The following RARB variants were observed in gnomAD, a reference collection of about 807,000 sequenced individuals.
RARB encodes HBV-activated protein.
In RARB, 17 loss-of-function variants were observed where a neutral mutation model predicts 51.9. The observed-to-expected ratio is 0.33, with a 90% CI of 0.22 to 0.49. The LOEUF (loss-of-function observed/expected upper bound fraction) is 0.49. Ranked by LOEUF, RARB falls within the 20% of genes least tolerant of loss-of-function variation. The probability of loss-of-function intolerance (pLI) is 0.99; values close to 1 mark genes in which losing one functional copy is unlikely to be tolerated. For missense variants in RARB, 369 were observed against 550.8 expected, an observed-to-expected ratio of 0.67 and a Z score of 3.30; for synonymous variants, 215 against 195.4, an observed-to-expected ratio of 1.10 and a Z score of -0.84.
chr3:24,875,055 T>C (rs1253709495), intron 2 of RARB, among the ~76,000 whole-genome samples: 1 of 152,124 alleles, frequency 6.6e-6, no homozygotes, highest in Non-Finnish European at 1.5e-5. Flanking sequence ...CTCTTGCAAA[T>C]TTATATGCTT....
chr3:25,175,635 G>A (rs1293422202), intron 5 of RARB, among the ~76,000 whole-genome samples: 2 of 152,188 alleles, frequency 1.3e-5, no homozygotes, highest in African/African-American at 4.8e-5. Context: ...ATGGGTGTTT[G>A]GATGGACGAA....
At chr3:25,427,598 A>C (rs1474526865), upstream of RARB, among the ~76,000 whole-genome samples, 1 of 152,210 alleles carries the variant, frequency 6.6e-6, no homozygotes, top group Non-Finnish European at 1.5e-5. Flanking sequence ...TATGCTGCAT[A>C]GAACCTGGAG....
intron 2 of RARB, among the ~76,000 whole-genome samples, chr3:25,050,014 A>G (rs1441216080): frequency 6.6e-6 from 1 of 152,112 alleles, no homozygotes; most frequent in African/African-American, 2.4e-5. Context: ...TTGGGAGGAA[A>G]AGTTTAATAG....
chr3:25,005,992 A>G (rs543220242), intron 2 of RARB, among the ~76,000 whole-genome samples: 1 of 152,230 alleles, frequency 6.6e-6, no homozygotes, highest in South Asian at 2.1e-4. Flanking sequence ...TGTTCCTACA[A>G]GAGGCCACTG....
chr3:25,167,871 T>C (rs17517931), intron 4 of RARB, among the ~76,000 whole-genome samples: 4 of 152,246 alleles, frequency 2.6e-5, no homozygotes, highest in African/African-American at 9.6e-5. Flanking sequence ...TTTTTTTCTT[T>C]CCACCCTACC....
chr3:25,508,558 T>TG (rs1211785526), intron 3 of RARB, among the ~76,000 whole-genome samples: 11 of 152,210 alleles, frequency 7.2e-5, no homozygotes, highest in African/African-American at 2.2e-4. Context: ...ACTGTGTAGT[T>TG]GGGAAATTAC....
intron 2 of RARB, among the ~76,000 whole-genome samples, chr3:24,870,670 T>C (rs1180114137): frequency 1.3e-5 from 2 of 152,148 alleles, no homozygotes; most frequent in Non-Finnish European, 2.9e-5. Context: ...CTCACTCATT[T>C]TGCCCTGCAT....
intron 2 of RARB, among the ~76,000 whole-genome samples, chr3:25,015,533 T>A (rs1192350460): frequency 6.6e-6 from 1 of 152,194 alleles, no homozygotes; most frequent in Non-Finnish European, 1.5e-5. Context: ...AATGGGAAAC[T>A]TCTTGATAGG....
intron 2 of RARB, among the ~76,000 whole-genome samples, chr3:24,937,671 G>C (rs1249069189): frequency 6.6e-6 from 1 of 152,098 alleles, no homozygotes; most frequent in Non-Finnish European, 1.5e-5. Flanking sequence ...CAGGGAGATA[G>C]CATCAAAACA....
chr3:25,270,436 T>C (rs1009779753), intron 5 of RARB, among the ~76,000 whole-genome samples: 3 of 152,186 alleles, frequency 2.0e-5, no homozygotes, highest in Non-Finnish European at 4.4e-5. Flanking sequence ...GTCAAATTCA[T>C]AGAGATCTGT....
At chr3:25,391,684 ATCT>A (rs1358002221) in intron 5 of RARB, among the ~76,000 whole-genome samples, 2 of 152,078 alleles carry the variant, frequency 1.3e-5, no homozygotes, top group Non-Finnish European at 2.9e-5. Flanking sequence ...CCATTTGTAT[ATCT>A]TCTTTTGAGA....
chr3:25,401,380 T>C (rs1387292172), intron 5 of RARB, among the ~76,000 whole-genome samples: 1 of 152,180 alleles, frequency 6.6e-6, no homozygotes, highest in East Asian at 1.9e-4. Flanking sequence ...TCTAGAGCCT[T>C]TATAATTTTT....
At chr3:25,077,663 A>G (rs1232857306) in intron 3 of RARB, among the ~76,000 whole-genome samples, 7 of 152,152 alleles carry the variant, frequency 4.6e-5, no homozygotes, top group Non-Finnish European at 2.9e-5. Context: ...AAAATTTTGT[A>G]GATACATACT....
chr3:25,259,714 A>G (rs777527670), intron 5 of RARB, among the ~76,000 whole-genome samples: 14 of 152,182 alleles, frequency 9.2e-5, no homozygotes, highest in Non-Finnish European at 1.5e-4. Flanking sequence ...CAGTTAGGCA[A>G]ATTTCTACAT....
exon 5 of RARB, chr3:25,174,290 C>G: frequency 1.0e-6 from 1 of 977,910 alleles, no homozygotes; most frequent in Non-Finnish European, 1.4e-6. Flanking sequence ...GCCCAGAACA[C>G]AGCTCAGCCT....
intron 5 of RARB, among the ~76,000 whole-genome samples, chr3:25,202,270 T>C (rs1030050258): frequency 2.2e-4 from 33 of 152,070 alleles, no homozygotes; most frequent in Non-Finnish European, 3.2e-4. Flanking sequence ...TATGTGGGAT[T>C]GGTGGTGATA....
intron 2 of RARB, among the ~76,000 whole-genome samples, chr3:24,995,236 T>TC (rs1696996519): frequency 6.6e-6 from 1 of 151,678 alleles, no homozygotes; most frequent in Non-Finnish European, 1.5e-5. Flanking sequence ...CAGGTGTTTT[T>TC]TTTTATAGCT....
chr3:25,461,754 C>T (rs550661506), intron 2 of RARB, among the ~76,000 whole-genome samples: 14 of 152,168 alleles, frequency 9.2e-5, no homozygotes, highest in Admixed American at 3.9e-4. Flanking sequence ...ATTAGCCAGG[C>T]GTGAGTGGCT....
At chr3:24,928,571 A>G (rs889235300) in intron 2 of RARB, among the ~76,000 whole-genome samples, 1 of 152,018 alleles carries the variant, frequency 6.6e-6, no homozygotes, top group African/African-American at 2.4e-5. Flanking sequence ...TTTAGACTCA[A>G]CTTCTGAAAG....
Sources: allele counts gnomAD v4.1 joint callset (sites outside exome capture counted in the v4.1 genomes callset), GRCh38; gene constraint gnomAD v4.1.1; transcripts MANE v1.5; gene names NCBI Gene and HGNC (gene_info 2026-07-23, HGNC 2026-07-21).